SLC35E4: variants seen among roughly 807,000 people sequenced by gnomAD.
SLC35E4 encodes the protein solute carrier family 35, member E4.
SLC35E4 carries 15 observed loss-of-function variants against 19.3 expected under a neutral mutation model. The ratio of observed to expected loss-of-function variants is 0.78; its 90% confidence interval spans 0.52 to 1.20. The LOEUF is 1.20. Among genes scored for constraint, SLC35E4 ranks in the 50% most tolerant of loss-of-function variants. The probability of loss-of-function intolerance (pLI) is 0.00; values close to 1 mark genes in which losing one functional copy is unlikely to be tolerated. For missense variants in SLC35E4, 406 were observed against 472.3 expected, an observed-to-expected ratio of 0.86 and a Z score of 1.30; for synonymous variants, 219 against 219.9, an observed-to-expected ratio of 1.00 and a Z score of 0.04.
downstream of SLC35E4, among the ~76,000 whole-genome samples, chr22:30,665,949 G>A (rs1460234364): frequency 1.3e-5 from 2 of 152,182 alleles, no homozygotes; most frequent in South Asian, 2.1e-4. Context: ...GGGTGGGGAT[G>A]GGGGTGGTTC....
At chr22:30,651,923 A>C (rs144911042), downstream of SLC35E4, 2 of 152,264 alleles carry the variant, frequency 1.3e-5, no homozygotes, top group African/African-American at 4.8e-5. Context: ...AGTCATCTGA[A>C]AGCTTGGCTG....
chr22:30,642,642 G>A (rs148039667), intron 1 of SLC35E4, among the ~76,000 whole-genome samples: 1,781 of 151,250 alleles, frequency 0.012, 20 homozygotes, highest in South Asian at 0.016. Context: ...TCGGGAGGCT[G>A]AGGTAGGAGA....
In SLC35E4 at chr22:30,636,817, T is replaced by A; in HGVS notation, c.367T>A (p.Cys123Ser). 1 of 1,612,798 alleles carries A rather than the reference T, an allele frequency of 6.2e-7. No individual in the cohort carries two copies. ...LSLTFGTSMA[C>S]GNVGLRAVPL... ...TCTCACCTTTGGCACGTCCATGGCC[T>A]GCGGCAACGTGGGCCTAAGGGCTGT... Residue 123 changes from cysteine to serine, a missense_variant, in exon 1 of 2, where the codon TGC becomes AGC. Physicochemically the swap from Cys to Ser is moderately radical, Grantham distance 112 (BLOSUM62 -1). Coordinates refer to ENST00000343605, the MANE Select transcript of SLC35E4 (RefSeq NM_001001479.4).
intron 1 of SLC35E4, among the ~76,000 whole-genome samples, chr22:30,641,156 T>C (rs2088029346): frequency 6.6e-6 from 1 of 152,208 alleles, no homozygotes. Flanking sequence ...TCAAGGCCCA[T>C]GCTGCCCCTG....
At chr22:30,661,512 A>C (rs1335190855) in intron 2 of SLC35E4, 2 of 146,172 alleles carry the variant, frequency 1.4e-5, no homozygotes, top group African/African-American at 5.1e-5. Flanking sequence ...GCAATGGTGC[A>C]AGCTCGGCTC....
downstream of SLC35E4, among the ~76,000 whole-genome samples, chr22:30,665,990 G>A (rs1177012823): frequency 6.6e-6 from 1 of 152,184 alleles, no homozygotes; most frequent in East Asian, 1.9e-4. Context: ...ACCAAAGGTT[G>A]TATAGGCAAA....
intron 2 of SLC35E4, chr22:30,654,515 T>C (rs5997724): frequency 0.025 from 10,791 of 428,668 alleles, 185 homozygotes; most frequent in African/African-American, 0.042. Context: ...GAGGCGGTCT[T>C]GGGCGGCCTG....
intron 1 of SLC35E4, among the ~76,000 whole-genome samples, chr22:30,640,628 C>G (rs982294574): frequency 2.0e-5 from 3 of 152,188 alleles, no homozygotes; most frequent in African/African-American, 4.8e-5. Context: ...CTCTCTCTGC[C>G]TCAACCCAAG....
intron 1 of SLC35E4, among the ~76,000 whole-genome samples, chr22:30,643,832 G>A (rs1219378243): frequency 6.6e-6 from 1 of 152,194 alleles, no homozygotes; most frequent in Admixed American, 6.5e-5. Flanking sequence ...AGAAACTTGG[G>A]CATGTTCCAA....
At chr22:30,664,241 G>A (rs2088574284), downstream of SLC35E4, among the ~76,000 whole-genome samples, 1 of 152,138 alleles carries the variant, frequency 6.6e-6, no homozygotes, top group Non-Finnish European at 1.5e-5. Context: ...CAGATACCCA[G>A]GTCCCTCTCC....
exon 3 of SLC35E4, chr22:30,663,135 C>T: frequency 3.3e-6 from 1 of 303,400 alleles, no homozygotes; most frequent in Non-Finnish European, 6.1e-6. Flanking sequence ...TGCAGGATTC[C>T]AGGCCTGCCA....
At chr22:30,667,333 G>A (rs568978757), downstream of SLC35E4, 10 of 152,238 alleles carry the variant, frequency 6.6e-5, no homozygotes, top group Non-Finnish European at 1.5e-4. Flanking sequence ...TTATAAACAT[G>A]GAACAAAGTC....
At chr22:30,639,409 G>A (rs867936209) in intron 1 of SLC35E4, among the ~76,000 whole-genome samples, 8 of 152,118 alleles carry the variant, frequency 5.3e-5, no homozygotes, top group Non-Finnish European at 7.3e-5. Context: ...GAAGTTTCGG[G>A]CACGCATTGT....
intron 2 of SLC35E4, chr22:30,654,700 C>A (rs754180029): frequency 2.2e-5 from 9 of 401,862 alleles, no homozygotes; most frequent in Non-Finnish European, 4.3e-5. Context: ...GCCAGAAATA[C>A]TGATGCCCCC....
chr22:30,651,133 A>G (rs978054571), downstream of SLC35E4, among the ~76,000 whole-genome samples: 2 of 151,716 alleles, frequency 1.3e-5, no homozygotes, highest in Non-Finnish European at 2.9e-5. Flanking sequence ...TGGAAGTAGC[A>G]CAAAATACTT....
chr22:30,641,572 ATCTC>A (rs1203295053), intron 1 of SLC35E4, among the ~76,000 whole-genome samples: 1 of 150,848 alleles, frequency 6.6e-6, no homozygotes, highest in Non-Finnish European at 1.5e-5. Flanking sequence ...TTTTGAGACA[ATCTC>A]TCTCTGTCGC....
chr22:30,646,232 G>T (rs1024131585), intron 1 of SLC35E4, among the ~76,000 whole-genome samples: 1 of 152,130 alleles, frequency 6.6e-6, no homozygotes, highest in African/African-American at 2.4e-5. Flanking sequence ...ATTTATTTTA[G>T]TTTAGTTTTT....
At position 30,657,910 on chromosome 22, in the gene SLC35E4, AATAATAAT is replaced by A. The variant is rs2088376318; in HGVS notation, c.*9-4148_*9-4141del. Among the ~76,000 whole-genome samples, 3 of 14,692 alleles carry A rather than the reference AATAATAAT, an allele frequency of 2.0e-4. No individual in the cohort carries two copies. The East Asian group carries it at 0.011, about 52-fold the overall frequency. 9.6% of individuals were successfully genotyped at this position (14,692 alleles called of 152,430 possible). On this transcript the variant is annotated intron_variant, in intron 2 of 2. Transcript: ENST00000406566. Reference sequence around the variant, plus strand: ...CAGTGCAAGACTCTGTCTCAAAAATAATAATAATAATAATAATAATAATAATAATAATA... The same window carrying A: ...CAGTGCAAGACTCTGTCTCAAAAATAAATAATAATAATAATAATAATAATA...
At position 30,636,717 on chromosome 22, in the gene SLC35E4, G is replaced by A. The variant is rs115547861; in HGVS notation, c.267G>A (p.Val89=). The change falls in exon 1 of 2, where the codon GTG becomes GTA. Residue 89 remains valine, a synonymous_variant. Coordinates refer to ENST00000343605, the MANE Select transcript of SLC35E4 (RefSeq NM_001001479.4). ...TGCTGTCGGCCCTGCACATGCTGGT[G>A]GCAGCCCTGGCATGCCACCGGGGGG... The part of the protein sequence containing the change: ...PLLLSALHML[V]AALACHRGAR... 1.2e-3 allele frequency: 1,877 copies of A among 1,611,792 alleles called. 3 individuals are homozygous for A. Among genetic ancestry groups the A allele is most frequent in the Middle Eastern group, 8.8e-3 (53 of 6,052 alleles).
Sources: allele counts gnomAD v4.1 joint callset (sites outside exome capture counted in the v4.1 genomes callset), GRCh38; gene constraint gnomAD v4.1.1; transcripts MANE v1.5; gene names NCBI Gene and HGNC (gene_info 2026-07-23, HGNC 2026-07-21).